Variants in AGAP1 observed in about 807,000 individuals in gnomAD.
AGAP1 encodes the protein arf-GAP with GTPase, ANK repeat and PH domain-containing protein 1.
AGAP1 carries 29 observed loss-of-function variants against 105.3 expected under a neutral mutation model. The observed-to-expected ratio is 0.28, with a 90% confidence interval of 0.21 to 0.38. AGAP1 has a LOEUF of 0.38. Among genes scored for constraint, AGAP1 ranks in the 10% least tolerant of loss-of-function variants. AGAP1 has a pLI of 1.00. For missense variants in AGAP1, 998 were observed against 1,165.1 expected (o/e 0.86, Z 2.09); for synonymous variants, 509 against 485.9 (o/e 1.05, Z -0.63).
rs140749083 is a variant in AGAP1 at position 236,012,245 on chromosome 2, G to A, written c.1646-24316G>A. On this transcript the variant is annotated intron_variant, in intron 13 of 17. Coordinates refer to ENST00000304032, the MANE Select transcript of AGAP1 (RefSeq NM_001037131.3). This position sits in a 1 kb window ranked among gnomAD's most constrained non-coding sequence, Gnocchi z 4.9. ...GTGTGAAAAATGGAAGGCATAAAGCGGGCGAGGAAAGAGGCTTTCTGCACT... is the reference window on the plus strand; with the variant it reads ...GTGTGAAAAATGGAAGGCATAAAGCAGGCGAGGAAAGAGGCTTTCTGCACT... Among the ~76,000 whole-genome samples, 444 of 152,102 alleles carry A rather than the reference G, an allele frequency of 2.9e-3. 3 individuals are homozygous for A. The highest frequency in any genetic ancestry group is 0.01 in the African/African-American group (421 of 41,504).
At chr2:235,649,092 C>T (rs896483222) in intron 1 of AGAP1, among the ~76,000 whole-genome samples, 1 of 152,060 alleles carries the variant, frequency 6.6e-6, no homozygotes, top group African/African-American at 2.4e-5. Context: ...TATTTAAAAC[C>T]CCAGAACATT....
chr2:235,560,761 G>T (rs1441020611), intron 1 of AGAP1, among the ~76,000 whole-genome samples: 1 of 152,194 alleles, frequency 6.6e-6, no homozygotes, highest in Non-Finnish European at 1.5e-5. Context: ...CATTGGACTT[G>T]TGACCCTCAG....
intron 1 of AGAP1, chr2:235,507,109 G>C (rs1016855786): frequency 6.6e-6 from 1 of 152,596 alleles, no homozygotes; most frequent in Non-Finnish European, 1.5e-5. Flanking sequence ...TCTCTTTAAT[G>C]CTGAGCATCA....
intron 1 of AGAP1, among the ~76,000 whole-genome samples, chr2:235,646,745 C>G (rs1457147108): frequency 1.3e-5 from 2 of 152,176 alleles, no homozygotes; most frequent in African/African-American, 4.8e-5. Context: ...CTTGGGCCAC[C>G]CTTAGGCCTT....
rs972478674 is a variant in AGAP1, at chr2:235,994,474, G to A, written c.1645+25851G>A. 1.2e-4 allele frequency among the ~76,000 whole-genome samples: 19 copies of A among 152,162 alleles called. No individual in the cohort carries two copies. Among genetic ancestry groups the A allele is most frequent in the African/African-American group, 4.6e-4 (19 of 41,434 alleles). Reference sequence around the variant, plus strand: ...TGGAGTTACTTGTTGATAGGACAGCGTTAAGGGGGTCGTTTCTTTCTGGTT... The same window carrying A: ...TGGAGTTACTTGTTGATAGGACAGCATTAAGGGGGTCGTTTCTTTCTGGTT... On this transcript the variant is annotated intron_variant, in intron 13 of 17. Coordinates refer to ENST00000304032, the MANE Select transcript of AGAP1 (RefSeq NM_001037131.3). The surrounding 1 kb of genome is among the most constrained non-coding windows in gnomAD (Gnocchi z 4.4).
rs980705127 is a variant in AGAP1, at chr2:236,076,718, C to T, written c.2114+27437C>T. Among the ~76,000 whole-genome samples the T allele has an allele frequency of 3.3e-5, 5 of 152,112 alleles. No individual in the cohort carries two copies. Among genetic ancestry groups the T allele is most frequent in the Admixed American group, 1.3e-4 (2 of 15,270 alleles). ...CCCAAACCACTAAAGAGGGAAGCCC[C>T]AGCGCTATGAGCATACCTGGCAACA... On this transcript the variant is annotated intron_variant, in intron 16 of 17. Coordinates refer to ENST00000304032, the MANE Select transcript of AGAP1 (RefSeq NM_001037131.3). The surrounding 1 kb of genome is among the most constrained non-coding windows in gnomAD (Gnocchi z 4.4).
chr2:235,556,093 C>T lies in AGAP1; in HGVS notation c.163+61244C>T, dbSNP rs1943963809. 6.6e-6 allele frequency among the ~76,000 whole-genome samples: 1 copy of T among 152,192 alleles called. No individual in the cohort carries two copies. On this transcript the variant is annotated intron_variant, in intron 1 of 17. Coordinates refer to ENST00000304032, the MANE Select transcript of AGAP1 (RefSeq NM_001037131.3). This position sits in a 1 kb window ranked among gnomAD's most constrained non-coding sequence, Gnocchi z 5.3. ...CCTCCAGCTTGGCTTCTGGAAGCCTCCAGAAGGATGGACGGGGGCACTGAG... is the reference window on the plus strand; with the variant it reads ...CCTCCAGCTTGGCTTCTGGAAGCCTTCAGAAGGATGGACGGGGGCACTGAG...
chr2:235,537,072 A>G (rs1466824677), intron 1 of AGAP1, among the ~76,000 whole-genome samples: 2 of 152,234 alleles, frequency 1.3e-5, no homozygotes, highest in East Asian at 3.9e-4. Flanking sequence ...AGCGTTGGGC[A>G]TGCAGTGGTG....
Position 235,961,162 on chromosome 2 carries a change from C to T in AGAP1, c.1484-7300C>T, listed in dbSNP as rs376382980. On this transcript the variant is annotated intron_variant, in intron 12 of 17. Coordinates refer to ENST00000304032, the MANE Select transcript of AGAP1 (RefSeq NM_001037131.3). The surrounding 1 kb of genome is among the most constrained non-coding windows in gnomAD (Gnocchi z 5.9). Reference sequence around the variant, plus strand: ...AAGATGTTCCGTAAACAAAGAAACACGCATGGAGCATGTCATGTCCCCATG... The same window carrying T: ...AAGATGTTCCGTAAACAAAGAAACATGCATGGAGCATGTCATGTCCCCATG... 5.8e-4 allele frequency among the ~76,000 whole-genome samples: 88 copies of T among 152,308 alleles called. No homozygotes were observed. Among genetic ancestry groups the T allele is most frequent in the African/African-American group, 2.0e-3 (84 of 41,576 alleles).
rs1294004929 is a variant in AGAP1, at chr2:235,655,812, G to T, written c.164-53367G>T. 6.6e-6 allele frequency among the ~76,000 whole-genome samples: 1 copy of T among 152,192 alleles called. No homozygotes were observed. The highest frequency in any genetic ancestry group is 6.5e-5 in the Admixed American group (1 of 15,274). On this transcript the variant is annotated intron_variant, in intron 1 of 17. Transcript: ENST00000304032. The surrounding 1 kb of genome is among the most constrained non-coding windows in gnomAD (Gnocchi z 4.3). ...ATTTATTCAGGATTAAGTTTATTCA[G>T]TAGAAATTTCCAAGGTATTTTTTTA... is the stretch of plus-strand genomic sequence containing the variant.
chr2:235,547,821 T>C (rs1056903192), intron 1 of AGAP1, among the ~76,000 whole-genome samples: 2 of 152,202 alleles, frequency 1.3e-5, no homozygotes, highest in African/African-American at 2.4e-5. Flanking sequence ...GGGGTTGGTC[T>C]TATTTCCCCT....
chr2:236,018,693 G>A (rs1235373274), intron 13 of AGAP1, among the ~76,000 whole-genome samples: 1 of 152,210 alleles, frequency 6.6e-6, no homozygotes, highest in African/African-American at 2.4e-5. Flanking sequence ...ACTTAAGATA[G>A]GCCTCTTCAA....
Position 236,083,786 on chromosome 2 carries a change from A to G in AGAP1, c.2114+34505A>G, listed in dbSNP as rs1014851342. On this transcript the variant is annotated intron_variant, in intron 16 of 17. Coordinates refer to ENST00000304032, the MANE Select transcript of AGAP1 (RefSeq NM_001037131.3). This position sits in a 1 kb window ranked among gnomAD's most constrained non-coding sequence, Gnocchi z 5.3. ...TGGATGAACAGGTGTTTTAGGAGCC[A>G]CAATAAACCATCGCAGAGCAAGGAG... Among the ~76,000 whole-genome samples, 8 of 152,344 alleles carry G rather than the reference A, an allele frequency of 5.3e-5. No individual in the cohort carries two copies. Among genetic ancestry groups the G allele is most frequent in the African/African-American group, 1.9e-4 (8 of 41,568 alleles).
In AGAP1 at chr2:235,842,176, CTCCGTGCTCTGGAGCAAGAG is replaced by C. The variant is rs1289451618; in HGVS notation, c.1050+34847_1050+34866del. On this transcript the variant is annotated intron_variant, in intron 9 of 17. Transcript: ENST00000304032. This position sits in a 1 kb window ranked among gnomAD's most constrained non-coding sequence, Gnocchi z 5.3. Reference sequence around the variant, plus strand: ...TGGTTTCTTAGTTCTGGAGCACAGACTCCGTGCTCTGGAGCAAGAGTTCTTCACTGTGGTTCTGTAGATAG... The same window carrying C: ...TGGTTTCTTAGTTCTGGAGCACAGACTTCTTCACTGTGGTTCTGTAGATAG... Among the ~76,000 whole-genome samples, 4 of 152,224 alleles carry C rather than the reference CTCCGTGCTCTGGAGCAAGAG, an allele frequency of 2.6e-5. No individual in the cohort carries two copies. The highest frequency in any genetic ancestry group is 5.9e-5 in the Non-Finnish European group (4 of 68,040).
At position 235,535,213 on chromosome 2, in the gene AGAP1, C is replaced by T. The variant is rs1488861407; in HGVS notation, c.163+40364C>T. 3.3e-5 allele frequency among the ~76,000 whole-genome samples: 5 copies of T among 152,102 alleles called. No homozygotes were observed. The highest frequency in any genetic ancestry group is 7.2e-5 in the African/African-American group (3 of 41,422). On this transcript the variant is annotated intron_variant, in intron 1 of 17. Transcript: ENST00000304032. This position sits in a 1 kb window ranked among gnomAD's most constrained non-coding sequence, Gnocchi z 5.1. ...GGTTGCCTCCCATCGTTTGCAGGAG[C>T]GGAAGACCCGATGGAGCAGGTTTCA...
chr2:236,040,976 A>C lies in AGAP1; in HGVS notation c.1891+135A>C. On this transcript the variant is annotated intron_variant, in intron 15 of 17. Transcript: ENST00000304032. This position sits in a 1 kb window ranked among gnomAD's most constrained non-coding sequence, Gnocchi z 5.6. ...AGTTAACTGCTTTTAGGAAATTGAG[A>C]TATTTTGTTTGGATTTTACCTTAAC... The C allele has an allele frequency of 1.2e-6, 1 of 868,252 alleles. No homozygotes were observed. Among genetic ancestry groups the C allele is most frequent in the Non-Finnish European group, 1.8e-6 (1 of 563,366 alleles). 53.8% of individuals were successfully genotyped at this position (868,252 alleles called of 1,614,324 possible).
chr2:235,810,314 G>C (rs534744048), intron 9 of AGAP1, among the ~76,000 whole-genome samples: 1 of 152,314 alleles, frequency 6.6e-6, no homozygotes, highest in East Asian at 1.9e-4. Context: ...TTGCTGCAGA[G>C]AACTGTGTCT....
At chr2:235,657,743 G>A (rs1947819819) in intron 1 of AGAP1, among the ~76,000 whole-genome samples, 10 of 152,178 alleles carry the variant, frequency 6.6e-5, no homozygotes. Flanking sequence ...GTGCCTCCCA[G>A]AATGTGTGTG....
chr2:235,970,140 T>A lies in AGAP1; in HGVS notation c.1645+1517T>A, dbSNP rs2054579898. Among the ~76,000 whole-genome samples, 1 of 149,936 alleles carries A rather than the reference T, an allele frequency of 6.7e-6. No individual in the cohort carries two copies. The highest frequency in any genetic ancestry group is 2.1e-4 in the South Asian group (1 of 4,718). ...TTGATTGAACCCAGGAGGTGGAGGT[T>A]GCAGTGAACCGAGACCATGCCACTG... On this transcript the variant is annotated intron_variant, in intron 13 of 17. Transcript: ENST00000304032. This position sits in a 1 kb window ranked among gnomAD's most constrained non-coding sequence, Gnocchi z 5.4.
Sources: allele counts gnomAD v4.1 joint callset (sites outside exome capture counted in the v4.1 genomes callset), GRCh38; gene constraint gnomAD v4.1.1; non-coding constraint Gnocchi (gnomAD v3.1); transcripts MANE v1.5; gene names NCBI Gene and HGNC (gene_info 2026-07-23, HGNC 2026-07-21).